TRDN: variants seen among roughly 807,000 people sequenced by gnomAD.
TRDN encodes the protein triadin, also known as triadin in skeletal muscle.
TRDN carries 161 observed loss-of-function variants against 149.7 expected under a neutral mutation model. The ratio of observed to expected loss-of-function variants is 1.08; its 90% CI spans 0.95 to 1.23. TRDN has a LOEUF of 1.23. Among genes scored for constraint, TRDN ranks in the 50% most tolerant of loss-of-function variants. The pLI is 0.00. For missense variants in TRDN, 896 were observed against 823.5 expected (o/e 1.09, Z -1.08); for synonymous variants, 294 against 250.5 (o/e 1.17, Z -1.64).
chr6:123,552,845 T>C (rs140427724), intron 2 of TRDN, among the ~76,000 whole-genome samples: 1 of 152,254 alleles, frequency 6.6e-6, no homozygotes, highest in East Asian at 1.9e-4. Flanking sequence ...ATAAAATTTA[T>C]CAATGCCTTG....
At chr6:123,419,802 C>T (rs971190199) in intron 12 of TRDN, among the ~76,000 whole-genome samples, 2 of 152,154 alleles carry the variant, frequency 1.3e-5, no homozygotes, top group Non-Finnish European at 2.9e-5. Flanking sequence ...CTACTGAGTA[C>T]CTCCTGCCTC....
intron 23 of TRDN, among the ~76,000 whole-genome samples, chr6:123,331,630 G>A (rs1233732885): frequency 6.6e-6 from 1 of 151,952 alleles, no homozygotes; most frequent in African/African-American, 2.4e-5. Flanking sequence ...CAGACCCATG[G>A]AATCAGAATA....
In TRDN at chr6:123,409,897, G is replaced by A. The variant is rs1373216844; in HGVS notation, c.1052-16220C>T. ...TCAAACAAAGGGGAGGTGGAGAGAGGAGGATAAGGATTTGAACAAAGAAGG... is the reference window on the plus strand; with the variant it reads ...TCAAACAAAGGGGAGGTGGAGAGAGAAGGATAAGGATTTGAACAAAGAAGG... On this transcript the variant is annotated intron_variant, in intron 12 of 40. Coordinates refer to ENST00000334268, the MANE Select transcript of TRDN (RefSeq NM_006073.4). Among the ~76,000 whole-genome samples the A allele has an allele frequency of 2.0e-5, 3 of 152,252 alleles. No individual in the cohort carries two copies. In the East Asian group the frequency reaches 5.8e-4, roughly 29 times the overall value.
intron 2 of TRDN, among the ~76,000 whole-genome samples, chr6:123,565,226 G>C (rs1347064995): frequency 6.6e-6 from 1 of 152,186 alleles, no homozygotes; most frequent in East Asian, 1.9e-4. Context: ...CTTTCTGGCT[G>C]AGTCTGCAGA....
intron 1 of TRDN, among the ~76,000 whole-genome samples, chr6:123,635,005 T>C (rs1786223638): frequency 6.6e-6 from 1 of 151,886 alleles, no homozygotes; most frequent in Non-Finnish European, 1.5e-5. Flanking sequence ...AAAAAGTCTT[T>C]TGAATCAAAT....
chr6:123,320,513 T>C (rs1191901007), intron 23 of TRDN, among the ~76,000 whole-genome samples: 2 of 151,866 alleles, frequency 1.3e-5, no homozygotes, highest in African/African-American at 2.4e-5. Context: ...GTAAATGTTA[T>C]TATTAGACTC....
At chr6:123,513,896 C>CA (rs546413507) in intron 6 of TRDN, among the ~76,000 whole-genome samples, 1 of 151,854 alleles carries the variant, frequency 6.6e-6, no homozygotes, top group Non-Finnish European at 1.5e-5. Flanking sequence ...TTTAACAAAA[C>CA]AAAAAACTTC....
At chr6:123,574,933 TATAA>T (rs1782773671) in intron 1 of TRDN, among the ~76,000 whole-genome samples, 1 of 144,318 alleles carries the variant, frequency 6.9e-6, no homozygotes, top group Non-Finnish European at 1.5e-5. Flanking sequence ...ATTGAGAAAG[TATAA>T]ATATTCAGAA....
intron 22 of TRDN, among the ~76,000 whole-genome samples, chr6:123,335,530 A>G (rs1779829968): frequency 6.6e-6 from 1 of 151,878 alleles, no homozygotes; most frequent in South Asian, 2.1e-4. Flanking sequence ...ACAAAAGCCT[A>G]CTTAATGAAG....
At chr6:123,607,288 A>G (rs1000139469) in intron 1 of TRDN, among the ~76,000 whole-genome samples, 24 of 152,210 alleles carry the variant, frequency 1.6e-4, no homozygotes, top group African/African-American at 5.1e-4. Context: ...ACTAAACTCA[A>G]TGGGACTTAT....
At chr6:123,554,474 C>T (rs1383949712) in intron 2 of TRDN, among the ~76,000 whole-genome samples, 1 of 151,810 alleles carries the variant, frequency 6.6e-6, no homozygotes. Flanking sequence ...AGTTTTTCTC[C>T]CTTTCTGTAA....
intron 10 of TRDN, among the ~76,000 whole-genome samples, chr6:123,444,200 C>A (rs1322485718): frequency 5.7e-4 from 81 of 142,606 alleles, no homozygotes; most frequent in African/African-American, 2.2e-3. Flanking sequence ...TTTCATTGAG[C>A]AGTGGTTTGT....
At chr6:123,589,387 TA>T (rs1783672568) in intron 1 of TRDN, among the ~76,000 whole-genome samples, 1 of 138,292 alleles carries the variant, frequency 7.2e-6, no homozygotes, top group Admixed American at 7.8e-5. Flanking sequence ...AAACTTTACC[TA>T]GCCCCAGCAT....
At chr6:123,488,991 G>A (rs2114790600) in intron 9 of TRDN, 1 of 152,138 alleles carries the variant, frequency 6.6e-6, no homozygotes, top group African/African-American at 2.4e-5. Flanking sequence ...TAGCCTGGTG[G>A]AGAGTAAATA....
intron 23 of TRDN, among the ~76,000 whole-genome samples, chr6:123,329,844 C>T (rs1392890802): frequency 6.6e-6 from 1 of 151,884 alleles, no homozygotes; most frequent in African/African-American, 2.4e-5. Context: ...AATAATTATT[C>T]TGGTGATTAC....
At chr6:123,292,031 G>C (rs1347484453) in intron 24 of TRDN, among the ~76,000 whole-genome samples, 1 of 152,004 alleles carries the variant, frequency 6.6e-6, no homozygotes, top group African/African-American at 2.4e-5. Context: ...TTGGCTTTTG[G>C]TTTTTGATTC....
At chr6:123,452,513 AAC>A (rs796662150) in intron 10 of TRDN, among the ~76,000 whole-genome samples, 4 of 152,136 alleles carry the variant, frequency 2.6e-5, no homozygotes, top group East Asian at 1.9e-4. Context: ...GCAAAAAAAA[AAC>A]GTAAGATAGT....
At chr6:123,624,894 A>G (rs1267392638) in intron 1 of TRDN, among the ~76,000 whole-genome samples, 2 of 152,146 alleles carry the variant, frequency 1.3e-5, no homozygotes, top group Admixed American at 6.5e-5. Context: ...TTAAAAACGA[A>G]TCAGAAACAT....
chr6:123,246,579 AG>A (rs1265197295), intron 38 of TRDN, among the ~76,000 whole-genome samples: 1 of 152,004 alleles, frequency 6.6e-6, no homozygotes, highest in African/African-American at 2.4e-5. Flanking sequence ...TCTGAAATTG[AG>A]GCACTAATTA....
Sources: gnomAD v4.1 joint callset for allele counts (sites outside exome capture counted in the v4.1 genomes callset) on GRCh38, gnomAD v4.1.1 for gene constraint, MANE v1.5 for transcripts, NCBI Gene and HGNC (gene_info 2026-07-23, HGNC 2026-07-21) for gene names.